The following DACH1 variants were observed in gnomAD, a reference collection of about 807,000 sequenced individuals.
DACH1 encodes the protein dachshund family transcription factor 1, also known as dachshund homolog 1.
A neutral mutation model predicts 54.2 loss-of-function variants in DACH1; 12 were observed. The ratio of observed to expected loss-of-function variants is 0.22; its 90% CI spans 0.14 to 0.36. The LOEUF (loss-of-function observed/expected upper bound fraction) is 0.36. Among genes scored for constraint, DACH1 ranks in the 10% least tolerant of loss-of-function variants. DACH1 has a pLI of 1.00. For missense variants in DACH1, 805 were observed against 929.8 expected, an observed-to-expected ratio of 0.87 and a Z score of 1.75; for synonymous variants, 386 against 366.2, an observed-to-expected ratio of 1.05 and a Z score of -0.62.
intron 6 of DACH1, among the ~76,000 whole-genome samples, chr13:71,529,798 T>C (rs575226229): frequency 6.6e-6 from 1 of 152,306 alleles, no homozygotes; most frequent in East Asian, 1.9e-4. Flanking sequence ...ATATTTTATT[T>C]TTATTTTTGC....
intron 1 of DACH1, among the ~76,000 whole-genome samples, chr13:71,694,669 T>A (rs538154834): frequency 1.3e-4 from 20 of 152,320 alleles, no homozygotes; most frequent in African/African-American, 4.8e-4. Flanking sequence ...TGTTTTACCA[T>A]GGAATTTTTT....
chr13:71,697,465 C>T (rs1391005649), intron 1 of DACH1, among the ~76,000 whole-genome samples: 1 of 152,130 alleles, frequency 6.6e-6, no homozygotes, highest in East Asian at 1.9e-4. Context: ...ACTGAATATT[C>T]TGGATTTATC....
intron 1 of DACH1, among the ~76,000 whole-genome samples, chr13:71,730,695 T>C (rs1326806161): frequency 2.0e-5 from 3 of 152,174 alleles, no homozygotes; most frequent in Non-Finnish European, 4.4e-5. Flanking sequence ...CCTAAAGCAT[T>C]ATGTACTTTG....
At chr13:71,794,921 T>A (rs1886981655) in intron 1 of DACH1, among the ~76,000 whole-genome samples, 1 of 152,184 alleles carries the variant, frequency 6.6e-6, no homozygotes, top group Admixed American at 6.5e-5. Flanking sequence ...TTTCCAATAA[T>A]CTTAAGCATA....
At chr13:71,794,526 C>T (rs1334264491) in intron 1 of DACH1, among the ~76,000 whole-genome samples, 2 of 152,162 alleles carry the variant, frequency 1.3e-5, no homozygotes, top group African/African-American at 4.8e-5. Flanking sequence ...GCAACCTCCA[C>T]CTCCCGGGTT....
chr13:71,614,001 G>A (rs979224171), intron 3 of DACH1, among the ~76,000 whole-genome samples: 3 of 152,114 alleles, frequency 2.0e-5, no homozygotes, highest in South Asian at 2.1e-4. Context: ...GAGTTTGTTT[G>A]TTTGTTCGTT....
At chr13:71,682,341 A>C (rs1880950948) in intron 1 of DACH1, among the ~76,000 whole-genome samples, 1 of 152,192 alleles carries the variant, frequency 6.6e-6, no homozygotes, top group African/African-American at 2.4e-5. Context: ...TTCTTCAGGA[A>C]ATTAAAAGGC....
intron 3 of DACH1, chr13:71,573,320 T>C (rs1885329896): frequency 3.1e-6 from 2 of 655,670 alleles, no homozygotes; most frequent in South Asian, 1.8e-5. Flanking sequence ...ATTAGCTATG[T>C]AAATATAGTA....
chr13:71,622,968 G>C (rs1435055308), intron 3 of DACH1, among the ~76,000 whole-genome samples: 1 of 151,496 alleles, frequency 6.6e-6, no homozygotes, highest in Non-Finnish European at 1.5e-5. Flanking sequence ...TCATGAAGTG[G>C]AATAGACATC....
At chr13:71,578,147 A>G (rs1885648654) in intron 3 of DACH1, among the ~76,000 whole-genome samples, 1 of 152,160 alleles carries the variant, frequency 6.6e-6, no homozygotes, top group Non-Finnish European at 1.5e-5. Context: ...ATTTGTTAAG[A>G]TTTTCCCACA....
intron 3 of DACH1, among the ~76,000 whole-genome samples, chr13:71,595,290 AT>A (rs1874014115): frequency 1.3e-5 from 2 of 152,120 alleles, no homozygotes; most frequent in Admixed American, 1.3e-4. Context: ...CAGGAGCCCA[AT>A]CGTGGAAGGG....
chr13:71,580,750 T>C (rs1341270653), intron 3 of DACH1, among the ~76,000 whole-genome samples: 1 of 152,134 alleles, frequency 6.6e-6, no homozygotes, highest in African/African-American at 2.4e-5. Flanking sequence ...ACCGGCGAGT[T>C]TTATAAGCCA....
At chr13:71,856,902 A>G (rs941686117) in intron 1 of DACH1, among the ~76,000 whole-genome samples, 2 of 151,688 alleles carry the variant, frequency 1.3e-5, no homozygotes, top group South Asian at 4.2e-4. Flanking sequence ...CTCATTCCTA[A>G]CTCATCTCAT....
At chr13:71,850,352 C>G (rs1445221972) in intron 1 of DACH1, among the ~76,000 whole-genome samples, 1 of 152,158 alleles carries the variant, frequency 6.6e-6, no homozygotes. Flanking sequence ...TCCATGCAAT[C>G]TTCCACTAGG....
chr13:71,571,921 G>A (rs146357217), intron 4 of DACH1, among the ~76,000 whole-genome samples: 2,108 of 151,934 alleles, frequency 0.014, 27 homozygotes, highest in Middle Eastern at 0.031. Flanking sequence ...ATTTTTGATA[G>A]ATACGGGGTT....
intron 2 of DACH1, among the ~76,000 whole-genome samples, chr13:71,643,646 C>T (rs1033633787): frequency 6.6e-5 from 10 of 151,916 alleles, no homozygotes; most frequent in Middle Eastern, 3.4e-3. Flanking sequence ...TGAGTTTAAC[C>T]GAAAAATAGA....
chr13:71,544,434 A>G (rs1184698840), intron 6 of DACH1, among the ~76,000 whole-genome samples: 1 of 152,140 alleles, frequency 6.6e-6, no homozygotes, highest in Non-Finnish European at 1.5e-5. Context: ...CTTTTTAGCA[A>G]CAAGCACAGT....
intron 1 of DACH1, among the ~76,000 whole-genome samples, chr13:71,775,127 CTT>C (rs767902341): frequency 0.082 from 4,392 of 53,384 alleles, 193 homozygotes; most frequent in East Asian, 0.53. Flanking sequence ...TCAACACAAG[CTT>C]TTTTTTTTTT....
At chr13:71,489,502 G>A (rs1878812455) in intron 6 of DACH1, among the ~76,000 whole-genome samples, 1 of 152,020 alleles carries the variant, frequency 6.6e-6, no homozygotes, top group African/African-American at 2.4e-5. Context: ...GTTCTGTTTG[G>A]ATTGACAATA....
Sources: gnomAD v4.1 joint callset for allele counts (sites outside exome capture counted in the v4.1 genomes callset) on GRCh38, gnomAD v4.1.1 for gene constraint, MANE v1.5 for transcripts, NCBI Gene and HGNC (gene_info 2026-07-23, HGNC 2026-07-21) for gene names.